Variants in TMOD3 observed in about 807,000 individuals in gnomAD.
TMOD3 encodes tropomodulin-3.
Under a neutral mutation model 39.2 loss-of-function variants are expected in TMOD3, and 20 were observed. The observed-to-expected ratio is 0.51, with a 90% CI of 0.36 to 0.74. The LOEUF (loss-of-function observed/expected upper bound fraction) is 0.74. Among genes scored for constraint, TMOD3 ranks in the 30% least tolerant of loss-of-function variants. TMOD3 has a pLI of 0.00. For missense variants in TMOD3, 381 were observed against 412.8 expected (o/e 0.92, Z 0.67); for synonymous variants, 143 against 145.8 (o/e 0.98, Z 0.14).
intron 9 of TMOD3, among the ~76,000 whole-genome samples, chr15:51,903,771 T>C (rs1161284159): frequency 6.6e-6 from 1 of 152,204 alleles, no homozygotes; most frequent in Non-Finnish European, 1.5e-5. Context: ...CTAGCTGGAC[T>C]TCATAAATAA....
At chr15:51,838,280 A>C (rs1163141418) in intron 1 of TMOD3, among the ~76,000 whole-genome samples, 2 of 152,200 alleles carry the variant, frequency 1.3e-5, no homozygotes, top group African/African-American at 4.8e-5. Context: ...TCTGTACACT[A>C]ATAGCCAGTA....
chr15:51,896,964 G>A (rs1277161854), intron 7 of TMOD3, among the ~76,000 whole-genome samples: 1 of 152,128 alleles, frequency 6.6e-6, no homozygotes, highest in Non-Finnish European at 1.5e-5. Flanking sequence ...CCTTTATTCT[G>A]TCAATGTGGT....
chr15:51,850,700 G>C (rs2056357111), intron 1 of TMOD3, among the ~76,000 whole-genome samples: 2 of 152,086 alleles, frequency 1.3e-5, no homozygotes, highest in Admixed American at 6.6e-5. Context: ...CTGCCACCCT[G>C]GTGCTGGTGA....
intron 1 of TMOD3, among the ~76,000 whole-genome samples, chr15:51,832,203 T>TTATATA (rs3985812): frequency 0.056 from 4,433 of 79,228 alleles, 458 homozygotes; most frequent in African/African-American, 0.075. Context: ...AGAAAAAAAA[T>TTATATA]TATATATATA....
intron 4 of TMOD3, 116 bp downstream of exon 4, chr15:51,887,827 A>G (rs567908097): frequency 6.2e-6 from 8 of 1,298,722 alleles, no homozygotes; most frequent in South Asian, 2.9e-5. Flanking sequence ...CTGTTAAATC[A>G]GTAACCACAT....
intron 6 of TMOD3, 117 bp downstream of exon 6, chr15:51,894,062 C>T (rs1004840351): frequency 3.4e-6 from 3 of 888,886 alleles, no homozygotes; most frequent in Non-Finnish European, 4.7e-6. Flanking sequence ...AGTTTTTGCT[C>T]TTACCAGTAT....
chr15:51,830,338 G>A (rs2056248245), intron 1 of TMOD3, among the ~76,000 whole-genome samples: 1 of 152,210 alleles, frequency 6.6e-6, no homozygotes, highest in Non-Finnish European at 1.5e-5. Flanking sequence ...TGATCTGTCT[G>A]CTCTTAGAAT....
At chr15:51,883,752 G>A (rs1566862853) in intron 3 of TMOD3, among the ~76,000 whole-genome samples, 2 of 152,080 alleles carry the variant, frequency 1.3e-5, no homozygotes, top group Admixed American at 1.3e-4. Flanking sequence ...TTGGACATGA[G>A]AATTTTCTAA....
At chr15:51,870,131 G>T (rs1200011175) in intron 3 of TMOD3, among the ~76,000 whole-genome samples, 2 of 152,068 alleles carry the variant, frequency 1.3e-5, no homozygotes, top group Non-Finnish European at 2.9e-5. Context: ...TAGAGATGGG[G>T]TTTCACAGTG....
At chr15:51,908,711 A>C in intron 9 of TMOD3, 65 bp from the exon 10 acceptor site, 1 of 1,374,540 alleles carries the variant, frequency 7.3e-7, no homozygotes, top group Non-Finnish European at 1.0e-6. Context: ...TGCTTGTTAT[A>C]AGCAAGTTAC....
At chr15:51,858,597 G>A (rs1209590218) in intron 1 of TMOD3, among the ~76,000 whole-genome samples, 2 of 152,078 alleles carry the variant, frequency 1.3e-5, no homozygotes, top group East Asian at 1.9e-4. Flanking sequence ...ATTACAGGAT[G>A]TTTTTACTTT....
intron 9 of TMOD3, among the ~76,000 whole-genome samples, chr15:51,905,972 A>G (rs1010807821): frequency 4.7e-5 from 7 of 149,130 alleles, no homozygotes; most frequent in African/African-American, 1.2e-4. Context: ...AAAAAAAAAA[A>G]AAAAAAAAGA....
chr15:51,881,235 A>G (rs1392669386), intron 3 of TMOD3, among the ~76,000 whole-genome samples: 3 of 152,184 alleles, frequency 2.0e-5, no homozygotes, highest in African/African-American at 7.2e-5. Flanking sequence ...ATGCCCAGCT[A>G]TACATATTCT....
chr15:51,914,594 G>T lies in TMOD3; in HGVS notation c.*5784G>T, dbSNP rs2433222. 0.43 allele frequency: 66,284 copies of T among 155,262 alleles called. 14,389 individuals are homozygous for T. The highest frequency in any genetic ancestry group is 0.51 in the Admixed American group (7,876 of 15,330). The allele number at this position is 155,262 out of a possible 1,614,324, so 9.6% of individuals were successfully genotyped here. On this transcript the variant is annotated 3_prime_UTR_variant, in exon 10 of 10. Transcript: ENST00000308580. ...GCAGGAGAATCACTTGAACCTGGGA[G>T]GCAGAAGTTGCAGTGAGCCGAGATT...
At chr15:51,882,204 TTATAATCTA>T (rs1447605770) in intron 3 of TMOD3, among the ~76,000 whole-genome samples, 1 of 151,918 alleles carries the variant, frequency 6.6e-6, no homozygotes, top group Admixed American at 6.6e-5. Flanking sequence ...CTATTTAGGT[TTATAATCTA>T]TTTTGAGTAT....
At chr15:51,843,893 G>GTTT (rs5812570) in intron 1 of TMOD3, among the ~76,000 whole-genome samples, 10 of 148,450 alleles carry the variant, frequency 6.7e-5, no homozygotes, top group African/African-American at 1.5e-4. Flanking sequence ...CAGATTGCTA[G>GTTT]TTTTTTTTTT....
chr15:51,832,203 TTATATATA>T (rs3985812), intron 1 of TMOD3, among the ~76,000 whole-genome samples: 5,106 of 79,324 alleles, frequency 0.064, 646 homozygotes, highest in African/African-American at 0.18. Flanking sequence ...AGAAAAAAAA[TTATATATA>T]TATATATATA....
At chr15:51,865,138 C>T (rs2056439011) in intron 2 of TMOD3, among the ~76,000 whole-genome samples, 1 of 152,106 alleles carries the variant, frequency 6.6e-6, no homozygotes. Context: ...AGGCAAGCAC[C>T]ACTATACCCA....
intron 1 of TMOD3, among the ~76,000 whole-genome samples, chr15:51,832,359 T>G (rs1184757236): frequency 2.6e-5 from 4 of 151,522 alleles, no homozygotes; most frequent in Non-Finnish European, 4.4e-5. Context: ...TCAGGAGAGA[T>G]ATTTTCCAGT....
Sources: allele counts gnomAD v4.1 joint callset (sites outside exome capture counted in the v4.1 genomes callset), GRCh38; gene constraint gnomAD v4.1.1; transcripts MANE v1.5; gene names NCBI Gene and HGNC (gene_info 2026-07-23, HGNC 2026-07-21).